The following SDAD1 variants were observed in gnomAD, a reference collection of about 807,000 sequenced individuals.
The protein encoded by SDAD1 is SDA1 domain containing 1.
In SDAD1, 79 loss-of-function variants were observed where a neutral mutation model predicts 100.3. The observed-to-expected ratio is 0.79, with a 90% CI of 0.66 to 0.95. The LOEUF is 0.95. Among genes scored for constraint, SDAD1 ranks in the 40% least tolerant of loss-of-function variants. The probability of loss-of-function intolerance (pLI) is 0.00; values close to 1 mark genes in which losing one functional copy is unlikely to be tolerated. For missense variants in SDAD1, 790 were observed against 810.9 expected, an observed-to-expected ratio of 0.97 and a Z score of 0.31; for synonymous variants, 267 against 271.4, an observed-to-expected ratio of 0.98 and a Z score of 0.16.
chr4:75,964,336 T>G, intron 13 of SDAD1, 125 bp from the exon 14 acceptor site: 1 of 678,254 alleles, frequency 1.5e-6, no homozygotes. Context: ...GTTTAGGAAT[T>G]GGAAGTAATC....
intron 3 of SDAD1, among the ~76,000 whole-genome samples, chr4:75,979,734 C>T (rs1285750928): frequency 6.6e-6 from 1 of 151,900 alleles, no homozygotes; most frequent in Non-Finnish European, 1.5e-5. Flanking sequence ...GGATTACAGG[C>T]GTGAGCCACC....
Position 75,956,081 on chromosome 4 carries a change from A to G in SDAD1, c.1910T>C (p.Phe637Ser), listed in dbSNP as rs1728874724. 2 of 1,613,344 alleles carry G rather than the reference A, an allele frequency of 1.2e-6. No homozygotes were observed. The highest frequency in any genetic ancestry group is 1.1e-5 in the South Asian group (1 of 90,838). ...CTTCTCTTTATTTGTCGAACTGGAA[A>G]ATGGATTTGTTTTGGTTTTCTTCCT... The part of the protein sequence containing the change: ...FVRKKTKTNP[F>S]SSSTNKEKKK... Residue 637 changes from phenylalanine (F) to serine (S), a missense_variant, in exon 21 of 22, where the codon TTT (phenylalanine) becomes TCT (serine). Transcript: ENST00000356260.
At chr4:75,990,274 A>AACC (rs1731164397) in intron 1 of SDAD1, among the ~76,000 whole-genome samples, 1 of 119,314 alleles carries the variant, frequency 8.4e-6, no homozygotes, top group African/African-American at 3.2e-5. Flanking sequence ...TGCTTGAGAA[A>AACC]CCCCCCCCCC....
In SDAD1 at chr4:75,977,825, T is replaced by C. The variant is rs1028944834; in HGVS notation, c.295-69A>G. On this transcript the variant is annotated intron_variant, in intron 3 of 21. Coordinates refer to ENST00000356260, the MANE Select transcript of SDAD1 (RefSeq NM_018115.4). ...ACAAGGTGAGAAAATACAGCGTATA[T>C]GTCCCAAGACCTTAATGTCTTTTAC... The C allele has an allele frequency of 1.8e-5, 16 of 904,048 alleles. No individual in the cohort carries two copies. The South Asian group carries it at 2.1e-4, about 12-fold the overall frequency. 56.0% of individuals were successfully genotyped at this position (904,048 alleles called of 1,614,324 possible).
chr4:75,964,323 TC>T, intron 13 of SDAD1, 112 bp from the exon 14 acceptor site: 1 of 726,222 alleles, frequency 1.4e-6, no homozygotes, highest in South Asian at 1.6e-5. Flanking sequence ...CCTTCCACCT[TC>T]AGTTTAGGAA....
chr4:75,967,453 A>AT, intron 11 of SDAD1, 119 bp from the exon 12 acceptor site: 1 of 852,560 alleles, frequency 1.2e-6, no homozygotes, highest in South Asian at 1.5e-5. Context: ...TTTTTTTCTC[A>AT]GTAAGCAATC....
chr4:75,964,026 C>T, intron 14 of SDAD1, 109 bp downstream of exon 14: 1 of 719,272 alleles, frequency 1.4e-6, no homozygotes, highest in South Asian at 1.6e-5. Context: ...TATTTTAAAC[C>T]AATTTTATAG....
At chr4:75,988,890 G>A (rs1253414960) in intron 1 of SDAD1, among the ~76,000 whole-genome samples, 3 of 152,056 alleles carry the variant, frequency 2.0e-5, no homozygotes, top group African/African-American at 7.2e-5. Flanking sequence ...ACGAATCTTT[G>A]CCCATAATTC....
At chr4:75,958,419 A>G (rs865833030) in intron 17 of SDAD1, among the ~76,000 whole-genome samples, 1 of 152,252 alleles carries the variant, frequency 6.6e-6, no homozygotes, top group African/African-American at 2.4e-5. Flanking sequence ...TTAGTCATTC[A>G]GACAACTGAG....
At chr4:75,989,462 T>C (rs1731102089) in intron 1 of SDAD1, among the ~76,000 whole-genome samples, 1 of 152,244 alleles carries the variant, frequency 6.6e-6, no homozygotes, top group Admixed American at 6.5e-5. Flanking sequence ...TTCATTACTG[T>C]ACCCCAACGC....
At position 75,980,141 on chromosome 4, in the gene SDAD1, G is replaced by C. The variant is rs115938800; in HGVS notation, c.294+1231C>G. ...TCTCTATGACCTACAAGGACTTCAA[G>C]AGTAACATGACATAGGTAAAAGCCT... On this transcript the variant is annotated intron_variant, in intron 3 of 21. Coordinates refer to ENST00000356260, the MANE Select transcript of SDAD1 (RefSeq NM_018115.4). Among the ~76,000 whole-genome samples, 485 of 152,260 alleles carry C rather than the reference G, an allele frequency of 3.2e-3. 5 individuals are homozygous for C. The highest frequency in any genetic ancestry group is 0.011 in the African/African-American group (461 of 41,546).
intron 11 of SDAD1, 44 bp from the exon 12 acceptor site, chr4:75,967,378 A>G (rs757298487): frequency 6.5e-6 from 10 of 1,539,356 alleles, no homozygotes; most frequent in Non-Finnish European, 1.8e-6. Context: ...AGCTGACACT[A>G]TGGAGTTCCA....
At position 75,957,335 on chromosome 4, in the gene SDAD1, G is replaced by A; in HGVS notation, c.1844C>T (p.Ala615Val). ...KPKSDKETRL[A>V]TAMAGKTDRK... Reference sequence around the variant, plus strand: ...GATATGCTCACTCACCATTGCAGTTGCTAGTCTTGTCTCTTTGTCAGACTT... The same window carrying A: ...GATATGCTCACTCACCATTGCAGTTACTAGTCTTGTCTCTTTGTCAGACTT... Residue 615 changes from alanine to valine, a missense_variant, in exon 20 of 22, where the codon GCA becomes GTA. Physicochemically the swap from Ala to Val is moderately conservative, Grantham distance 64 (BLOSUM62 0). Coordinates refer to ENST00000356260, the MANE Select transcript of SDAD1 (RefSeq NM_018115.4). 1 of 1,613,632 alleles carries A rather than the reference G, an allele frequency of 6.2e-7. No individual in the cohort carries two copies.
intron 1 of SDAD1, among the ~76,000 whole-genome samples, chr4:75,987,200 C>T (rs142744415): frequency 6.6e-6 from 1 of 152,074 alleles, no homozygotes. Context: ...GTATACAATT[C>T]GGTTCTTCAG....
At chr4:75,965,500 G>A (rs376946605) in intron 13 of SDAD1, among the ~76,000 whole-genome samples, 15 of 151,972 alleles carry the variant, frequency 9.9e-5, no homozygotes, top group East Asian at 1.9e-4. Context: ...CTCCCCTTTC[G>A]AAAATCACTA....
chr4:75,981,582 G>A (rs1445674551), intron 2 of SDAD1, 112 bp from the exon 3 acceptor site: 1 of 1,542,508 alleles, frequency 6.5e-7, no homozygotes, highest in East Asian at 2.4e-5. Flanking sequence ...TTTCATAGAA[G>A]TAGATGGTTC....
At chr4:75,965,229 A>G (rs1729469934) in intron 13 of SDAD1, among the ~76,000 whole-genome samples, 2 of 152,172 alleles carry the variant, frequency 1.3e-5, no homozygotes, top group African/African-American at 4.8e-5. Flanking sequence ...GGATGAAATA[A>G]GCCCCGGTCT....
At chr4:75,960,336 G>A (rs1729159527) in intron 16 of SDAD1, 144 bp from the exon 17 acceptor site, 1 of 735,816 alleles carries the variant, frequency 1.4e-6, no homozygotes, top group East Asian at 3.1e-5. Flanking sequence ...GAGTGCAGTG[G>A]TACAATCTCA....
Position 75,950,729 on chromosome 4 carries a change from A to C in SDAD1, c.*21T>G. 1 of 1,557,102 alleles carries C rather than the reference A, an allele frequency of 6.4e-7. No homozygotes were observed. The highest frequency in any genetic ancestry group is 1.3e-5 in the African/African-American group (1 of 74,142). On this transcript the variant is annotated 3_prime_UTR_variant, in exon 22 of 22. Coordinates refer to ENST00000356260, the MANE Select transcript of SDAD1 (RefSeq NM_018115.4). ...GACACAAACTTAGCATTCTTCTAGG[A>C]ATGGAAAACTTGCCAGGAAGTTACT...
Sources: gnomAD v4.1 joint callset for allele counts (sites outside exome capture counted in the v4.1 genomes callset) on GRCh38, gnomAD v4.1.1 for gene constraint, MANE v1.5 for transcripts, NCBI Gene and HGNC (gene_info 2026-07-23, HGNC 2026-07-21) for gene names.